Variants in SSX2IP observed in about 807,000 individuals in gnomAD.
The protein encoded by SSX2IP is SSX family member 2 interacting protein.
A neutral mutation model predicts 84.9 loss-of-function variants in SSX2IP; 55 were observed. The ratio of observed to expected loss-of-function variants is 0.65; its 90% CI spans 0.52 to 0.81. The LOEUF (loss-of-function observed/expected upper bound fraction) is 0.81. Ranked by LOEUF, SSX2IP falls within the 30% of genes least tolerant of loss-of-function variation. The pLI is 0.00. For missense variants in SSX2IP, 664 were observed against 705.2 expected (o/e 0.94, Z 0.66); for synonymous variants, 239 against 234.7 (o/e 1.02, Z -0.17).
chr1:84,657,689 A>G (rs1651325567), intron 9 of SSX2IP, among the ~76,000 whole-genome samples: 1 of 152,132 alleles, frequency 6.6e-6, no homozygotes, highest in Non-Finnish European at 1.5e-5. Flanking sequence ...ACTACACCCA[A>G]TGTGTAGTCT....
At chr1:84,677,398 G>A (rs925027941) in intron 1 of SSX2IP, among the ~76,000 whole-genome samples, 1 of 152,044 alleles carries the variant, frequency 6.6e-6, no homozygotes. Flanking sequence ...AAAGTTCGTT[G>A]GCTAGCTCAT....
rs1422841928 is a variant in SSX2IP at position 84,664,529 on chromosome 1, AATG to A, written c.558_560del (p.Ile187del). 15 of 1,577,502 alleles carry A rather than the reference AATG, an allele frequency of 9.5e-6. No individual in the cohort carries two copies. The highest frequency in any genetic ancestry group is 1.9e-5 in the Admixed American group (1 of 52,626). On this transcript the variant is annotated inframe_deletion, in exon 6 of 14. Transcript: ENST00000342203. Reference sequence around the variant, plus strand: ...GATTATACTGAGTAGCTCGACTTGCAATGATATTTTGTAATTTTTGCACCTGAA... The same window carrying A: ...GATTATACTGAGTAGCTCGACTTGCAATATTTTGTAATTTTTGCACCTGAA...
chr1:84,662,054 T>C (rs1275558690), intron 8 of SSX2IP, 144 bp downstream of exon 8: 4 of 583,016 alleles, frequency 6.9e-6, no homozygotes, highest in East Asian at 5.6e-5. Context: ...GTCTTTTCAG[T>C]TGTCACAGTA....
chr1:84,689,629 G>C (rs1045650706), intron 1 of SSX2IP, among the ~76,000 whole-genome samples: 7 of 152,138 alleles, frequency 4.6e-5, no homozygotes, highest in Non-Finnish European at 8.8e-5. Context: ...TACATTATAC[G>C]TGCAGACAGC....
intron 3 of SSX2IP, 29 bp downstream of exon 3, chr1:84,670,617 T>C: frequency 3.4e-6 from 5 of 1,470,138 alleles, no homozygotes; most frequent in Non-Finnish European, 4.7e-6. Flanking sequence ...ACATGATTTA[T>C]GCTACTGTTT....
chr1:84,674,766 A>G (rs1202814244), intron 1 of SSX2IP, among the ~76,000 whole-genome samples: 1 of 152,208 alleles, frequency 6.6e-6, no homozygotes, highest in Non-Finnish European at 1.5e-5. Context: ...TTGAAGTCCT[A>G]TGAAACAAAA....
chr1:84,680,625 T>C (rs1025560363), intron 1 of SSX2IP, among the ~76,000 whole-genome samples: 17 of 151,972 alleles, frequency 1.1e-4, no homozygotes, highest in African/African-American at 3.9e-4. Context: ...CAAAACCATA[T>C]CTAATATGAG....
At position 84,647,508 on chromosome 1, in the gene SSX2IP, T is replaced by G; in HGVS notation, c.1770A>C (p.Gly590=). The G allele has an allele frequency of 3.1e-6, 5 of 1,613,354 alleles. No homozygotes were observed. Among genetic ancestry groups the G allele is most frequent in the Non-Finnish European group, 3.4e-6 (4 of 1,179,544 alleles). The part of the protein sequence containing the change: ...NQKWSVASRP[G]SQEGCYSGCS... The stretch of plus-strand genomic sequence containing the variant: ...ATCCACTATAGCAACCTTCCTGTGA[T>G]CCAGGTCTTGATGCCACACTCCATT... Residue 590 remains glycine (G), a synonymous_variant, in exon 14 of 14, where the codon GGA becomes GGC. Coordinates refer to ENST00000342203, the MANE Select transcript of SSX2IP (RefSeq NM_001166293.2).
At chr1:84,671,354 A>T in intron 1 of SSX2IP, 46 bp from the exon 2 acceptor site, 1 of 1,415,122 alleles carries the variant, frequency 7.1e-7, no homozygotes, top group Non-Finnish European at 9.3e-7. Context: ...TTAAAATATG[A>T]AAGCCAATAT....
At position 84,675,111 on chromosome 1, in the gene SSX2IP, T is replaced by C. The variant is rs551078564; in HGVS notation, c.-89-3803A>G. Among the ~76,000 whole-genome samples the C allele has an allele frequency of 5.3e-5, 8 of 152,176 alleles. No homozygotes were observed. In the South Asian group the frequency reaches 1.4e-3, roughly 28 times the overall value. On this transcript the variant is annotated intron_variant, in intron 1 of 13. Transcript: ENST00000342203. Reference sequence around the variant, plus strand: ...GAACCATATCTGTTTTGCATAAATATAATACCATCACAAGCCCATTTCAAT... The same window carrying C: ...GAACCATATCTGTTTTGCATAAATACAATACCATCACAAGCCCATTTCAAT...
chr1:84,653,750 C>A (rs117542348), intron 11 of SSX2IP, among the ~76,000 whole-genome samples: 1 of 152,002 alleles, frequency 6.6e-6, no homozygotes, highest in Non-Finnish European at 1.5e-5. Flanking sequence ...TACAGAATCA[C>A]GCATCACCAA....
chr1:84,647,515 CTTGAT>C lies in SSX2IP; in HGVS notation c.1758_1762del (p.Ser587ThrfsTer9), dbSNP rs1165405420. On this transcript the variant is annotated frameshift_variant, in exon 14 of 14. Coordinates refer to ENST00000342203, the MANE Select transcript of SSX2IP (RefSeq NM_001166293.2). LOFTEE classifies it high-confidence loss of function. ...ATAGCAACCTTCCTGTGATCCAGGTCTTGATGCCACACTCCATTTTTGATTTGTAC... is the reference window on the plus strand; with the variant it reads ...ATAGCAACCTTCCTGTGATCCAGGTCGCCACACTCCATTTTTGATTTGTAC... 9 of 1,613,194 alleles carry C rather than the reference CTTGAT, an allele frequency of 5.6e-6. No homozygotes were observed. Among genetic ancestry groups the C allele is most frequent in the Non-Finnish European group, 7.6e-6 (9 of 1,179,548 alleles).
intron 1 of SSX2IP, among the ~76,000 whole-genome samples, chr1:84,689,577 A>G (rs1656291356): frequency 6.6e-6 from 1 of 152,238 alleles, no homozygotes; most frequent in Admixed American, 6.5e-5. Context: ...TTTGGCATTT[A>G]CAACTATGGG....
At position 84,645,047 on chromosome 1, in the gene SSX2IP, CAAAT is replaced by C. The variant is rs1429177458; in HGVS notation, c.*2382_*2385del. Reference sequence around the variant, plus strand: ...TTTGAAAATTCAGAATGGATAAAAACAAATGAAGTACAAAATATTTCAGATTTAC... The same window carrying C: ...TTTGAAAATTCAGAATGGATAAAAACGAAGTACAAAATATTTCAGATTTAC... On this transcript the variant is annotated 3_prime_UTR_variant, in exon 14 of 14. Transcript: ENST00000342203. 3.3e-5 allele frequency: 5 copies of C among 152,172 alleles called. No individual in the cohort carries two copies. The highest frequency in any genetic ancestry group is 9.6e-5 in the African/African-American group (4 of 41,524). The allele number at this position is 152,172 out of a possible 1,614,324, so 9.4% of individuals were successfully genotyped here. A position where few individuals can be genotyped will look rare whatever the true frequency, so the allele number is the denominator to read the frequency against.
chr1:84,669,171 CTT>C (rs34460162), intron 4 of SSX2IP, among the ~76,000 whole-genome samples: 32 of 150,186 alleles, frequency 2.1e-4, no homozygotes, highest in Admixed American at 2.7e-4. Context: ...AAAATACTTC[CTT>C]TTTTTTTTTA....
intron 1 of SSX2IP, among the ~76,000 whole-genome samples, chr1:84,688,088 C>G (rs1225769868): frequency 6.6e-6 from 1 of 152,142 alleles, no homozygotes; most frequent in East Asian, 1.9e-4. Flanking sequence ...GCTTACTAAG[C>G]GTTTAATGAA....
At chr1:84,684,377 G>C (rs1351829813) in intron 1 of SSX2IP, among the ~76,000 whole-genome samples, 1 of 152,150 alleles carries the variant, frequency 6.6e-6, no homozygotes, top group African/African-American at 2.4e-5. Flanking sequence ...TTCAATTAGA[G>C]AACACCAAAA....
chr1:84,660,895 CAAA>C (rs11362631), intron 8 of SSX2IP, among the ~76,000 whole-genome samples: 4 of 98,024 alleles, frequency 4.1e-5, no homozygotes, highest in African/African-American at 8.3e-5. Flanking sequence ...TACTAAAATA[CAAA>C]AAAAAAAAAA....
chr1:84,687,433 T>C (rs1387772099), intron 1 of SSX2IP, among the ~76,000 whole-genome samples: 1 of 152,254 alleles, frequency 6.6e-6, no homozygotes, highest in African/African-American at 2.4e-5. Context: ...ACCCAGATTC[T>C]GTACTGCATT....
Sources: allele counts gnomAD v4.1 joint callset (sites outside exome capture counted in the v4.1 genomes callset), GRCh38; gene constraint gnomAD v4.1.1; transcripts MANE v1.5; gene names NCBI Gene and HGNC (gene_info 2026-07-23, HGNC 2026-07-21).